The following NIPBL variants were observed in gnomAD, a reference collection of about 807,000 sequenced individuals.
NIPBL encodes NIPBL cohesin loading factor.
A neutral mutation model predicts 321.8 loss-of-function variants in NIPBL; 19 were observed. That is an observed-to-expected ratio of 0.06 (90% CI 0.04 to 0.09). The LOEUF (loss-of-function observed/expected upper bound fraction) is 0.09. Ranked by LOEUF, NIPBL falls within the 10% of genes least tolerant of loss-of-function variation. The probability of loss-of-function intolerance (pLI) is 1.00; values close to 1 mark genes in which losing one functional copy is unlikely to be tolerated. For synonymous variants in NIPBL, 1,106 were observed against 1,114.1 expected (o/e 0.99, Z 0.14); for missense variants, 2,210 against 3,327.0 (o/e 0.66, Z 8.26).
intron 6 of NIPBL, among the ~76,000 whole-genome samples, chr5:36,968,518 G>A (rs542345825): frequency 3.4e-4 from 52 of 151,882 alleles, no homozygotes; most frequent in African/African-American, 1.2e-3. Context: ...GCAGTGAGCC[G>A]AGATCGCCTG....
At chr5:37,021,125 C>G (rs567896013) in intron 27 of NIPBL, among the ~76,000 whole-genome samples, 89 of 152,232 alleles carry the variant, frequency 5.8e-4, no homozygotes, top group African/African-American at 1.5e-3. Context: ...ATGGTGAAAC[C>G]CCGTCTCTAC....
chr5:36,890,597 A>G (rs1051756061), intron 1 of NIPBL, among the ~76,000 whole-genome samples: 2 of 152,190 alleles, frequency 1.3e-5, no homozygotes, highest in African/African-American at 2.4e-5. Flanking sequence ...ATTTCGAGGT[A>G]TTATATAGTA....
intron 39 of NIPBL, 135 bp downstream of exon 39, chr5:37,048,810 GT>G: frequency 1.3e-6 from 1 of 756,286 alleles, no homozygotes; most frequent in Middle Eastern, 3.8e-4. Context: ...TTATGCTGAG[GT>G]CTATAGCTGG....
At chr5:36,957,753 C>A (rs144145221) in intron 3 of NIPBL, among the ~76,000 whole-genome samples, 1 of 151,488 alleles carries the variant, frequency 6.6e-6, no homozygotes, top group Non-Finnish European at 1.5e-5. Flanking sequence ...GAGGCCGAGG[C>A]GGGCAGACCA....
chr5:37,029,398 TTAATA>T (rs1395254706), intron 32 of NIPBL, among the ~76,000 whole-genome samples: 2 of 152,240 alleles, frequency 1.3e-5, no homozygotes, highest in African/African-American at 4.8e-5. Flanking sequence ...TGCTAATATA[TTAATA>T]TATCTTTTTA....
intron 1 of NIPBL, among the ~76,000 whole-genome samples, chr5:36,884,453 A>G (rs1478018586): frequency 6.6e-6 from 1 of 152,148 alleles, no homozygotes; most frequent in Non-Finnish European, 1.5e-5. Context: ...AGGACCAGAA[A>G]TTTTTTCTGA....
intron 32 of NIPBL, among the ~76,000 whole-genome samples, chr5:37,035,495 C>T (rs1751590365): frequency 6.6e-6 from 1 of 152,192 alleles, no homozygotes; most frequent in Admixed American, 6.5e-5. Context: ...TAAGCTTGTG[C>T]TGCCCAAGCT....
At chr5:36,909,298 A>T (rs1021944168) in intron 1 of NIPBL, among the ~76,000 whole-genome samples, 1 of 152,200 alleles carries the variant, frequency 6.6e-6, no homozygotes, top group Non-Finnish European at 1.5e-5. Flanking sequence ...ATTTCATGTC[A>T]TAGTGTTTAG....
At chr5:37,013,421 G>T (rs1748482550) in intron 21 of NIPBL, among the ~76,000 whole-genome samples, 1 of 152,020 alleles carries the variant, frequency 6.6e-6, no homozygotes, top group Non-Finnish European at 1.5e-5. Flanking sequence ...CAGGGTGGCT[G>T]CTGGGCGGAG....
intron 1 of NIPBL, among the ~76,000 whole-genome samples, chr5:36,947,527 A>G (rs1484101916): frequency 1.3e-5 from 2 of 152,056 alleles, no homozygotes; most frequent in African/African-American, 4.8e-5. Flanking sequence ...TTTTCTGGCC[A>G]TATGCTCTGT....
At chr5:36,921,892 G>GTT (rs57962323) in intron 1 of NIPBL, among the ~76,000 whole-genome samples, 53 of 141,958 alleles carry the variant, frequency 3.7e-4, no homozygotes, top group Admixed American at 8.4e-4. Context: ...GGTTTTTTTT[G>GTT]TTTTTTTTTT....
chr5:37,028,103 T>C (rs1461747893), intron 32 of NIPBL, among the ~76,000 whole-genome samples: 1 of 152,094 alleles, frequency 6.6e-6, no homozygotes, highest in Non-Finnish European at 1.5e-5. Context: ...GAATTTCCTT[T>C]AGTAGTACAG....
At chr5:36,906,811 C>G (rs1007511757) in intron 1 of NIPBL, among the ~76,000 whole-genome samples, 11 of 152,116 alleles carry the variant, frequency 7.2e-5, no homozygotes, top group Non-Finnish European at 1.3e-4. Context: ...TAAATATTTT[C>G]TAGAACTTTA....
chr5:36,921,100 C>T (rs532336849), intron 1 of NIPBL, among the ~76,000 whole-genome samples: 1 of 151,696 alleles, frequency 6.6e-6, no homozygotes, highest in African/African-American at 2.4e-5. Flanking sequence ...AATTTTTAAG[C>T]GTCTCCCCAT....
chr5:37,051,382 G>A (rs1342138075), intron 40 of NIPBL: 2 of 196,906 alleles, frequency 1.0e-5, no homozygotes, highest in Non-Finnish European at 2.1e-5. Context: ...GTAGCTTTGA[G>A]TATGGAAAAC....
intron 1 of NIPBL, among the ~76,000 whole-genome samples, chr5:36,910,832 A>G (rs770363108): frequency 2.2e-4 from 33 of 152,204 alleles, no homozygotes; most frequent in Admixed American, 1.0e-3. Flanking sequence ...AGTGTTAACA[A>G]AACTAGGAGA....
Position 37,000,281 on chromosome 5 carries a change from AT to A in NIPBL, c.3305-85del, listed in dbSNP as rs148595336. On this transcript the variant is annotated intron_variant, in intron 11 of 46. Coordinates refer to ENST00000282516, the MANE Select transcript of NIPBL (RefSeq NM_133433.4). ...ATTTCCTAGACCCTATGGAATGAAG[AT>A]TTTTTTCCCCATGTGATTCATTTGT... 8,643 of 1,269,748 alleles carry A rather than the reference AT, an allele frequency of 6.8e-3. 156 individuals are homozygous for A. The highest frequency in any genetic ancestry group is 0.063 in the African/African-American group (4,301 of 67,976). 78.7% of individuals were successfully genotyped at this position (1,269,748 alleles called of 1,614,324 possible).
intron 1 of NIPBL, among the ~76,000 whole-genome samples, chr5:36,879,795 G>A (rs1381914943): frequency 6.6e-6 from 1 of 152,022 alleles, no homozygotes; most frequent in African/African-American, 2.4e-5. Flanking sequence ...CTGAAGAGTT[G>A]TCAATAACTT....
intron 32 of NIPBL, among the ~76,000 whole-genome samples, chr5:37,035,227 T>G (rs1430625350): frequency 6.6e-6 from 1 of 152,218 alleles, no homozygotes; most frequent in Admixed American, 6.5e-5. Flanking sequence ...GCTTTGATTG[T>G]GCCACTGCAC....
Sources: gnomAD v4.1 joint callset for allele counts (sites outside exome capture counted in the v4.1 genomes callset) on GRCh38, gnomAD v4.1.1 for gene constraint, MANE v1.5 for transcripts, NCBI Gene and HGNC (gene_info 2026-07-23, HGNC 2026-07-21) for gene names.